SOX6: variants seen among roughly 807,000 people sequenced by gnomAD.
The protein encoded by SOX6 is SRY-box transcription factor 6, also known as transcription factor SOX-6.
SOX6 carries 11 observed loss-of-function variants against 97.8 expected under a neutral mutation model. The ratio of observed to expected loss-of-function variants is 0.11; its 90% confidence interval spans 0.07 to 0.19. The LOEUF is 0.19. Ranked by LOEUF, SOX6 falls within the 10% of genes least tolerant of loss-of-function variation. SOX6 has a pLI of 1.00. For synonymous variants in SOX6, 360 were observed against 371.4 expected, an observed-to-expected ratio of 0.97 and a Z score of 0.35; for missense variants, 810 against 1,039.5, an observed-to-expected ratio of 0.78 and a Z score of 3.04.
chr11:16,184,305 T>G (rs1851415642), intron 5 of SOX6, among the ~76,000 whole-genome samples: 1 of 152,118 alleles, frequency 6.6e-6, no homozygotes, highest in African/African-American at 2.4e-5. Context: ...AATTTGGATG[T>G]AAAAAGTAAA....
chr11:15,969,005 T>A lies in SOX6; in HGVS notation c.*3804A>T, dbSNP rs1853221652. The A allele has an allele frequency of 6.6e-6, 1 of 152,100 alleles. No homozygotes were observed. The highest frequency in any genetic ancestry group is 1.5e-5 in the Non-Finnish European group (1 of 68,020). The allele number at this position is 152,100 out of a possible 1,614,324, so 9.4% of individuals were successfully genotyped here. A position where few individuals can be genotyped will look rare whatever the true frequency, so the allele number is the denominator to read the frequency against. On this transcript the variant is annotated 3_prime_UTR_variant, in exon 16 of 16. Coordinates refer to ENST00000683767, the MANE Select transcript of SOX6 (RefSeq NM_001367873.1). ...TCGTATCCGCAAAGCGACCTTTTTT[T>A]TCTCTCTCCCTTCCTACTTTTTTCC...
intron 4 of SOX6, among the ~76,000 whole-genome samples, chr11:16,579,841 C>T (rs1012106517): frequency 2.0e-5 from 3 of 152,080 alleles, no homozygotes; most frequent in African/African-American, 4.8e-5. Context: ...AGAACAGGCA[C>T]ATGTTTAACT....
At chr11:16,226,112 T>C (rs1446632714) in intron 4 of SOX6, among the ~76,000 whole-genome samples, 1 of 152,118 alleles carries the variant, frequency 6.6e-6, no homozygotes, top group Non-Finnish European at 1.5e-5. Context: ...TTGGGAATCA[T>C]TTGTAGAATT....
At chr11:16,582,972 C>T (rs1163417311) in intron 4 of SOX6, among the ~76,000 whole-genome samples, 1 of 151,892 alleles carries the variant, frequency 6.6e-6, no homozygotes, top group East Asian at 1.9e-4. Context: ...CTATCAAAAC[C>T]CTTATAAAGA....
chr11:16,371,427 C>T (rs1033708944), intron 1 of SOX6, among the ~76,000 whole-genome samples: 2 of 151,958 alleles, frequency 1.3e-5, no homozygotes, highest in Non-Finnish European at 2.9e-5. Context: ...TTCTCCATAG[C>T]ATTTATCTTC....
chr11:16,291,704 T>C (rs1359610590), intron 3 of SOX6, among the ~76,000 whole-genome samples: 1 of 152,106 alleles, frequency 6.6e-6, no homozygotes, highest in African/African-American at 2.4e-5. Flanking sequence ...ATAATGCTAT[T>C]GTGAGGCATG....
intron 4 of SOX6, among the ~76,000 whole-genome samples, chr11:16,512,898 A>G (rs769669706): frequency 6.6e-6 from 1 of 152,240 alleles, no homozygotes; most frequent in Non-Finnish European, 1.5e-5. Context: ...CAGGGTCCAG[A>G]AGAAGGGAAT....
At chr11:16,082,166 T>C (rs568883320) in intron 9 of SOX6, among the ~76,000 whole-genome samples, 9 of 152,294 alleles carry the variant, frequency 5.9e-5, no homozygotes, top group Admixed American at 5.9e-4. Context: ...CCCTTCTGGT[T>C]GGTCCTCTTC....
At chr11:15,985,482 C>T (rs545515554) in intron 15 of SOX6, among the ~76,000 whole-genome samples, 6 of 152,246 alleles carry the variant, frequency 3.9e-5, no homozygotes, top group Non-Finnish European at 7.4e-5. Flanking sequence ...TCTGGGTATG[C>T]TGGAATCTAC....
At chr11:16,627,224 T>C (rs965898335) in intron 3 of SOX6, among the ~76,000 whole-genome samples, 1 of 152,220 alleles carries the variant, frequency 6.6e-6, no homozygotes, top group Admixed American at 6.5e-5. Flanking sequence ...AGTCCACCGT[T>C]GATGGGCACC....
At chr11:16,737,517 TAA>T (rs60393896) in intron 1 of SOX6, among the ~76,000 whole-genome samples, 1 of 146,822 alleles carries the variant, frequency 6.8e-6, no homozygotes, top group African/African-American at 2.5e-5. Flanking sequence ...AATTTTTGCT[TAA>T]AAAAAAAAAA....
intron 3 of SOX6, among the ~76,000 whole-genome samples, chr11:16,236,766 G>GTAATTGATACAA: frequency 6.6e-6 from 1 of 151,844 alleles, no homozygotes; most frequent in East Asian, 1.9e-4. Context: ...AAATCTTTTA[G>GTAATTGATACAA]AGCTCCAAGA....
chr11:16,249,971 T>A (rs965378799), intron 3 of SOX6, among the ~76,000 whole-genome samples: 1 of 152,208 alleles, frequency 6.6e-6, no homozygotes, highest in African/African-American at 2.4e-5. Context: ...ATTTACTTTT[T>A]TAAAAGACAG....
chr11:16,738,438 C>G (rs927573777), exon 1 of SOX6: 2 of 397,854 alleles, frequency 5.0e-6, no homozygotes, highest in East Asian at 9.8e-5. Flanking sequence ...CATACACATC[C>G]GCGGGAACGC....
intron 4 of SOX6, among the ~76,000 whole-genome samples, chr11:16,569,582 G>C (rs6486296): frequency 0.26 from 39,584 of 151,826 alleles, 5,844 homozygotes; most frequent in East Asian, 0.48. Flanking sequence ...ATATGTAAGT[G>C]ATACATTTTG....
chr11:16,061,685 T>C (rs1342654850), intron 9 of SOX6, among the ~76,000 whole-genome samples: 1 of 151,622 alleles, frequency 6.6e-6, no homozygotes, highest in Non-Finnish European at 1.5e-5. Flanking sequence ...GGTACTTGTG[T>C]AAAAATAGAC....
intron 9 of SOX6, among the ~76,000 whole-genome samples, chr11:16,094,228 C>T (rs1454384664): frequency 6.6e-6 from 1 of 151,224 alleles, no homozygotes; most frequent in African/African-American, 2.4e-5. Flanking sequence ...AGAGCTCTGA[C>T]ACTCATATGC....
chr11:16,607,939 G>T lies in SOX6; in HGVS notation n.609+4142C>A, dbSNP rs1290329150. ...CGGGAGGCAAAGGCAAGAGAGAGCC[G>T]CAAAGAGAGAGGAGGGCAGAGACAT... On this transcript the variant is annotated intron_variant and non_coding_transcript_variant, in intron 4 of 5. Coordinates refer to the SOX6 transcript ENST00000524520. The surrounding 1 kb of genome is among the most constrained non-coding windows in gnomAD (Gnocchi z 6.5). 6.6e-6 allele frequency among the ~76,000 whole-genome samples: 1 copy of T among 152,050 alleles called. No homozygotes were observed. Among genetic ancestry groups the T allele is most frequent in the Non-Finnish European group, 1.5e-5 (1 of 67,998 alleles).
At chr11:16,188,760 T>C (rs1851550266) in intron 4 of SOX6, among the ~76,000 whole-genome samples, 2 of 152,220 alleles carry the variant, frequency 1.3e-5, no homozygotes, top group South Asian at 4.1e-4. Flanking sequence ...AGGCATTTTG[T>C]AGTTCAAAAT....
Sources: gnomAD v4.1 joint callset for allele counts (sites outside exome capture counted in the v4.1 genomes callset) on GRCh38, gnomAD v4.1.1 for gene constraint, Gnocchi (gnomAD v3.1) non-coding constraint, MANE v1.5 for transcripts, NCBI Gene and HGNC (gene_info 2026-07-23, HGNC 2026-07-21) for gene names.